Variants in PCDH15 observed in about 807,000 individuals in gnomAD.
PCDH15 encodes the protein protocadherin related 15, also known as protocadherin-15.
In PCDH15, 129 loss-of-function variants were observed where a neutral mutation model predicts 178.5. That is an observed-to-expected ratio of 0.72 (90% CI 0.63 to 0.84). The LOEUF (loss-of-function observed/expected upper bound fraction) is 0.84. Among genes scored for constraint, PCDH15 ranks in the 40% least tolerant of loss-of-function variants. PCDH15 has a pLI of 0.00. For synonymous variants in PCDH15, 800 were observed against 732.0 expected (o/e 1.09, Z -1.50); for missense variants, 2,230 against 2,099.9 (o/e 1.06, Z -1.21).
intron 2 of PCDH15, among the ~76,000 whole-genome samples, chr10:55,104,743 C>A (rs554269381): frequency 2.7e-4 from 41 of 152,278 alleles, no homozygotes; most frequent in African/African-American, 9.4e-4. Context: ...CTTATAATTT[C>A]ATGACTTCTT....
chr10:55,417,499 A>G (rs914674836), intron 2 of PCDH15, among the ~76,000 whole-genome samples: 3 of 151,722 alleles, frequency 2.0e-5, no homozygotes, highest in African/African-American at 7.2e-5. Context: ...TGTGTATTCT[A>G]TAATACAAAA....
chr10:54,291,569 C>T (rs1389281188), intron 8 of PCDH15, among the ~76,000 whole-genome samples: 1 of 152,026 alleles, frequency 6.6e-6, no homozygotes, highest in South Asian at 2.1e-4. Context: ...ATTGATAGAC[C>T]TTTAGAAGAC....
chr10:54,584,814 G>A (rs939704812), intron 2 of PCDH15, among the ~76,000 whole-genome samples: 4 of 152,152 alleles, frequency 2.6e-5, no homozygotes, highest in Admixed American at 6.6e-5. Flanking sequence ...AATCATGGCT[G>A]TAAATAAAAA....
At chr10:54,722,561 A>C (rs1436995166) in intron 1 of PCDH15, among the ~76,000 whole-genome samples, 18 of 147,500 alleles carry the variant, frequency 1.2e-4, no homozygotes, top group Non-Finnish European at 2.1e-4. Context: ...AATAAAGAAA[A>C]GGCATTGCAA....
intron 25 of PCDH15, among the ~76,000 whole-genome samples, chr10:53,923,469 T>C (rs531973643): frequency 6.6e-6 from 1 of 152,380 alleles, no homozygotes; most frequent in African/African-American, 2.4e-5. Context: ...ATTCTGTTTT[T>C]GCTTTTGCAT....
At chr10:54,673,899 G>A (rs1590971894) in intron 1 of PCDH15, among the ~76,000 whole-genome samples, 1 of 151,998 alleles carries the variant, frequency 6.6e-6, no homozygotes, top group South Asian at 2.1e-4. Flanking sequence ...TATTTAACAC[G>A]AATAGAGTAG....
chr10:55,199,292 T>G (rs1840176870), intron 1 of PCDH15, among the ~76,000 whole-genome samples: 1 of 152,100 alleles, frequency 6.6e-6, no homozygotes, highest in Admixed American at 6.5e-5. Context: ...CTTGCTATGC[T>G]TTAGCAAAGA....
At chr10:54,406,751 C>T (rs556841302) in intron 3 of PCDH15, among the ~76,000 whole-genome samples, 14 of 152,024 alleles carry the variant, frequency 9.2e-5, no homozygotes, top group African/African-American at 2.2e-4. Flanking sequence ...CTAACAAACA[C>T]GAAATTAATC....
intron 14 of PCDH15, among the ~76,000 whole-genome samples, chr10:54,148,924 G>T (rs2044246425): frequency 6.6e-6 from 1 of 151,496 alleles, no homozygotes; most frequent in Non-Finnish European, 1.5e-5. Context: ...GTCTTTCCAA[G>T]AATTCCTCCT....
chr10:54,079,573 C>A, intron 16 of PCDH15, 149 bp from the exon 17 acceptor site: 1 of 777,308 alleles, frequency 1.3e-6, no homozygotes, highest in Non-Finnish European at 2.2e-6. Flanking sequence ...TACTAAGATT[C>A]ATTCTGAAAA....
intron 23 of PCDH15, among the ~76,000 whole-genome samples, chr10:53,944,077 C>T (rs1002872937): frequency 1.3e-5 from 2 of 151,620 alleles, no homozygotes; most frequent in Non-Finnish European, 2.9e-5. Flanking sequence ...AGGAACATAA[C>T]CAAATTGAAT....
intron 1 of PCDH15, among the ~76,000 whole-genome samples, chr10:54,697,985 T>TC (rs138615671): frequency 2.0e-5 from 3 of 151,168 alleles, no homozygotes; most frequent in Admixed American, 6.6e-5. Context: ...CCTAAATCAA[T>TC]ACTCATCCTG....
At chr10:53,815,980 G>T (rs569832676) in intron 35 of PCDH15, among the ~76,000 whole-genome samples, 79 of 152,232 alleles carry the variant, frequency 5.2e-4, no homozygotes, top group Admixed American at 5.2e-4. Flanking sequence ...TTCAATGAAT[G>T]GCCCGTATTT....
At chr10:54,307,348 T>G (rs2060623406) in intron 8 of PCDH15, among the ~76,000 whole-genome samples, 4 of 150,812 alleles carry the variant, frequency 2.7e-5, no homozygotes, top group Admixed American at 2.0e-4. Flanking sequence ...CTTTCTACAT[T>G]AGTGTGTGGA....
At chr10:55,273,165 G>C in intron 1 of PCDH15, among the ~76,000 whole-genome samples, 1 of 152,104 alleles carries the variant, frequency 6.6e-6, no homozygotes, top group East Asian at 1.9e-4. Context: ...CTTAGAGTGA[G>C]ATAGTTTTTA....
At chr10:54,555,575 C>A (rs1324298491) in intron 2 of PCDH15, among the ~76,000 whole-genome samples, 10 of 143,876 alleles carry the variant, frequency 7.0e-5, no homozygotes, top group South Asian at 4.4e-4. Context: ...ACTAAAAATA[C>A]AAAAAAAAAA....
At chr10:55,422,366 G>A (rs1471664310) in intron 2 of PCDH15, among the ~76,000 whole-genome samples, 3 of 151,798 alleles carry the variant, frequency 2.0e-5, no homozygotes, top group Non-Finnish European at 4.4e-5. Flanking sequence ...TTGTGCATGA[G>A]AAACCATCAA....
chr10:54,914,636 C>A (rs537056344), intron 2 of PCDH15, among the ~76,000 whole-genome samples: 1 of 152,234 alleles, frequency 6.6e-6, no homozygotes, highest in African/African-American at 2.4e-5. Flanking sequence ...ATGTATTAAA[C>A]CTCCTCTCAA....
At chr10:53,903,419 GA>G (rs753144011) in intron 25 of PCDH15, 49 bp from the exon 26 acceptor site, 39 of 1,600,786 alleles carry the variant, frequency 2.4e-5, no homozygotes, top group South Asian at 2.2e-5. Flanking sequence ...ATTCATGGGG[GA>G]AAAAATGCAC....
Sources: gnomAD v4.1 joint callset for allele counts (sites outside exome capture counted in the v4.1 genomes callset) on GRCh38, gnomAD v4.1.1 for gene constraint, MANE v1.5 for transcripts, NCBI Gene and HGNC (gene_info 2026-07-23, HGNC 2026-07-21) for gene names.